SLC6A18: variants seen among roughly 807,000 people sequenced by gnomAD.
SLC6A18 encodes the protein inactive sodium-dependent neutral amino acid transporter B(0)AT3.
SLC6A18 carries 58 observed loss-of-function variants against 62.9 expected under a neutral mutation model. The ratio of observed to expected loss-of-function variants is 0.92; its 90% CI spans 0.75 to 1.15. SLC6A18 has a LOEUF of 1.15. Among genes scored for constraint, SLC6A18 ranks in the 50% most tolerant of loss-of-function variants. The probability of loss-of-function intolerance (pLI) is 0.00; values close to 1 mark genes in which losing one functional copy is unlikely to be tolerated. For missense variants in SLC6A18, 793 were observed against 836.6 expected (o/e 0.95, Z 0.64); for synonymous variants, 382 against 365.8 (o/e 1.04, Z -0.51).
Position 1,245,829 on chromosome 5 carries a change from T to C in SLC6A18, c.1657-19T>C, listed in dbSNP as rs757602976. On this transcript the variant is annotated intron_variant, in intron 11 of 11. Transcript: ENST00000324642. The stretch of plus-strand genomic sequence containing the variant: ...GCCCAGGGTGGCCGGCGCCAGCTAA[T>C]GAGGCTGTGGTCCCGCAGGAGCTGT... The C allele has an allele frequency of 1.9e-6, 3 of 1,595,650 alleles. No homozygotes were observed. In the South Asian group the frequency reaches 3.4e-5, roughly 18 times the overall value.
chr5:1,242,670 C>T, intron 7 of SLC6A18, 37 bp from the exon 8 acceptor site: 1 of 1,565,818 alleles, frequency 6.4e-7, no homozygotes, highest in Non-Finnish European at 8.7e-7. Flanking sequence ...GTTTGGGAAC[C>T]AGGGCCATGA....
rs1746859287 is a variant in SLC6A18 at position 1,235,526 on chromosome 5, G to T, written c.485G>T (p.Trp162Leu). ...GGCAGCAGCGCCGTGAGCTACTTCT[G>T]GTACCGGCAGACACTGAACATCACA... Reference protein sequence around the residue: ...CQGSSAVSYFWYRQTLNITAD... With the variant: ...CQGSSAVSYFLYRQTLNITAD... The change falls in exon 4 of 12, where the codon TGG (tryptophan) becomes TTG (leucine). Residue 162 changes from tryptophan (W) to leucine (L), a missense_variant. Coordinates refer to ENST00000324642, the MANE Select transcript of SLC6A18 (RefSeq NM_182632.3). The T allele has an allele frequency of 6.2e-7, 1 of 1,614,068 alleles. No homozygotes were observed. Among genetic ancestry groups the T allele is most frequent in the African/African-American group, 1.3e-5 (1 of 75,060 alleles).
intron 5 of SLC6A18, 84 bp from the exon 6 acceptor site, chr5:1,239,366 C>T (rs1401002527): frequency 1.9e-6 from 2 of 1,045,954 alleles, no homozygotes. Flanking sequence ...CCCAAAGCCA[C>T]CTTGGGAACG....
chr5:1,236,235 T>C (rs1746881175), intron 4 of SLC6A18, among the ~76,000 whole-genome samples: 1 of 152,208 alleles, frequency 6.6e-6, no homozygotes, highest in African/African-American at 2.4e-5. Flanking sequence ...TTCTAGTAAC[T>C]GCTTTAGAGG....
In SLC6A18 at chr5:1,225,466, C is replaced by G. The variant is rs34570065; in HGVS notation, c.-12C>G. 1 of 1,608,014 alleles carries G rather than the reference C, an allele frequency of 6.2e-7. No homozygotes were observed. The highest frequency in any genetic ancestry group is 1.7e-5 in the Admixed American group (1 of 59,542). ...ACCACCCTTGCCCTGAAGCCTGGGG[C>G]ACTCAGTCACCATGGCTCATGCCCC... On this transcript the variant is annotated 5_prime_UTR_variant, in exon 1 of 12. Coordinates refer to ENST00000324642, the MANE Select transcript of SLC6A18 (RefSeq NM_182632.3).
chr5:1,230,974 C>T (rs1746716715), intron 1 of SLC6A18, among the ~76,000 whole-genome samples: 1 of 152,212 alleles, frequency 6.6e-6, no homozygotes, highest in Admixed American at 6.5e-5. Context: ...TGAGACGCAG[C>T]ATGCAGACAC....
chr5:1,244,101 C>T, intron 9 of SLC6A18, 113 bp from the exon 10 acceptor site: 1 of 900,794 alleles, frequency 1.1e-6, no homozygotes, highest in South Asian at 1.6e-5. Flanking sequence ...CCCAGGTGCC[C>T]TGGCCCTCCC....
In SLC6A18 at chr5:1,234,326, G is replaced by A. The variant is rs528199652; in HGVS notation, c.440-1155G>A. ...ACTGAGTCTGCACCTGGATGCCCTGGGCCAGAGCTGGGCACCCTGGGGAGG... is the reference window on the plus strand; with the variant it reads ...ACTGAGTCTGCACCTGGATGCCCTGAGCCAGAGCTGGGCACCCTGGGGAGG... On this transcript the variant is annotated intron_variant, in intron 3 of 11. Transcript: ENST00000324642. Among the ~76,000 whole-genome samples, 3 of 152,298 alleles carry A rather than the reference G, an allele frequency of 2.0e-5. No homozygotes were observed. In the East Asian group the frequency reaches 5.8e-4, roughly 30 times the overall value.
chr5:1,232,959 C>A (rs1201636861), intron 3 of SLC6A18, 71 bp downstream of exon 3: 2 of 1,535,182 alleles, frequency 1.3e-6, no homozygotes, highest in Admixed American at 3.9e-5. Context: ...GCGTGTCCAG[C>A]ATCAGAGCAG....
rs184008653 is a variant in SLC6A18 at position 1,240,538 on chromosome 5, T to A, written c.853T>A (p.Cys285Ser). The A allele has an allele frequency of 6.2e-7, 1 of 1,614,138 alleles. No individual in the cohort carries two copies. The highest frequency in any genetic ancestry group is 1.7e-5 in the Admixed American group (1 of 60,012). ...GCGTGCGTTTGTGCCCAGGAATGAC[T>A]GCCAGAAGGATGCGGTGGTCATCGC... ...FASYNSPRND[C>S]QKDAVVIALV... is the part of the protein sequence containing the mutation. Residue 285 changes from cysteine (C) to serine (S), a missense_variant, in exon 7 of 12, where the codon TGC (cysteine) becomes AGC (serine). Cys to Ser is a moderately radical substitution (Grantham distance 112). Coordinates refer to ENST00000324642, the MANE Select transcript of SLC6A18 (RefSeq NM_182632.3).
In SLC6A18 at chr5:1,240,577, A is replaced by T. The variant is rs1043347508; in HGVS notation, c.892A>T (p.Met298Leu). The change falls in exon 7 of 12, where the codon ATG becomes TTG. Residue 298 changes from methionine (M) to leucine (L), a missense_variant. By Grantham distance (15) the Met-to-Leu change is conservative. Coordinates refer to ENST00000324642, the MANE Select transcript of SLC6A18 (RefSeq NM_182632.3). ...DAVVIALVNRMTSLYASIAVF... is the reference protein window; with the variant it reads ...DAVVIALVNRLTSLYASIAVF... ...GGTGGTCATCGCCCTGGTCAACAGG[A>T]TGACCTCCCTGTACGCGTCCATCGC... is the stretch of plus-strand genomic sequence containing the variant. 1.3e-5 allele frequency: 21 copies of T among 1,614,024 alleles called. No individual in the cohort carries two copies. Among genetic ancestry groups the T allele is most frequent in the Admixed American group, 3.3e-5 (2 of 60,006 alleles).
chr5:1,234,235 C>T (rs1746827011), intron 3 of SLC6A18, among the ~76,000 whole-genome samples: 3 of 152,324 alleles, frequency 2.0e-5, no homozygotes, highest in Non-Finnish European at 2.9e-5. Flanking sequence ...GACTTTCTTT[C>T]CTTCCTGCCT....
intron 9 of SLC6A18, 26 bp from the exon 10 acceptor site, chr5:1,244,188 C>A: frequency 2.5e-6 from 4 of 1,572,664 alleles, no homozygotes; most frequent in South Asian, 1.1e-5. Context: ...CCCCTTACCC[C>A]CCACACCCCT....
intron 3 of SLC6A18, among the ~76,000 whole-genome samples, 165 bp from the exon 4 acceptor site, chr5:1,235,316 C>A (rs965701075): frequency 1.3e-5 from 2 of 152,214 alleles, no homozygotes; most frequent in Admixed American, 6.5e-5. Flanking sequence ...ATTTTCACAG[C>A]CACGTCTGTT....
At position 1,240,645 on chromosome 5, in the gene SLC6A18, G is replaced by A. The variant is rs193254732; in HGVS notation, c.960G>A (p.Glu320=). 510 of 1,613,982 alleles carry A rather than the reference G, an allele frequency of 3.2e-4. 4 individuals are homozygous for A. In the Admixed American group the frequency reaches 8.3e-3, roughly 26 times the overall value. Residue 320 remains glutamate, a synonymous_variant, in exon 7 of 12, where the codon GAG becomes GAA. Transcript: ENST00000324642. The part of the protein sequence containing the change: ...VLGFKATNDY[E]HCLDRNILSL... ...GGTTCAAAGCAACTAATGACTACGA[G>A]CACTGCCTGGACAGGTGAGCACAGG...
rs368978179 is a variant in SLC6A18, at chr5:1,242,694, T to C, written c.975-13T>C. The C allele has an allele frequency of 2.5e-6, 4 of 1,593,920 alleles. No homozygotes were observed. Among genetic ancestry groups the C allele is most frequent in the African/African-American group, 2.7e-5 (2 of 74,424 alleles). On this transcript the variant is annotated splice_polypyrimidine_tract_variant and intron_variant, in intron 7 of 11. Transcript: ENST00000324642. ...CCAGGGCCATGAGCCCACAGTCCTC[T>C]CTGTCCCCGCAGAAACATCCTCAGC...
chr5:1,242,196 C>T (rs1747078326), intron 7 of SLC6A18, among the ~76,000 whole-genome samples: 1 of 152,240 alleles, frequency 6.6e-6, no homozygotes, highest in African/African-American at 2.4e-5. Flanking sequence ...TGCCACCACC[C>T]CCACCCCCTT....
intron 5 of SLC6A18, 145 bp downstream of exon 5, chr5:1,238,205 GC>G: frequency 1.5e-6 from 1 of 672,976 alleles, no homozygotes. Context: ...GGTGAGGTTG[GC>G]CCAGGATGGC....
In SLC6A18 at chr5:1,242,722, C is replaced by A; in HGVS notation, c.990C>A (p.Leu330=). Residue 330 remains leucine (L), a synonymous_variant, in exon 8 of 12, where the codon CTC becomes CTA. Coordinates refer to ENST00000324642, the MANE Select transcript of SLC6A18 (RefSeq NM_182632.3). Reference sequence around the variant, plus strand: ...GTCCCCGCAGAAACATCCTCAGCCTCATCAACGACTTTGACTTCCCAGAGC... The same window carrying A: ...GTCCCCGCAGAAACATCCTCAGCCTAATCAACGACTTTGACTTCCCAGAGC... The part of the protein sequence containing the change: ...EHCLDRNILS[L]INDFDFPEQS... 1 of 1,611,340 alleles carries A rather than the reference C, an allele frequency of 6.2e-7. No individual in the cohort carries two copies. The highest frequency in any genetic ancestry group is 8.5e-7 in the Non-Finnish European group (1 of 1,178,306).
Sources: allele counts gnomAD v4.1 joint callset (sites outside exome capture counted in the v4.1 genomes callset), GRCh38; gene constraint gnomAD v4.1.1; transcripts MANE v1.5; gene names NCBI Gene and HGNC (gene_info 2026-07-23, HGNC 2026-07-21).